CROT: variants seen among roughly 807,000 people sequenced by gnomAD.
CROT encodes peroxisomal carnitine O-octanoyltransferase.
A neutral mutation model predicts 89.2 loss-of-function variants in CROT; 84 were observed. The observed-to-expected ratio is 0.94, with a 90% CI of 0.79 to 1.13. The LOEUF is 1.13. Ranked by LOEUF, CROT falls within the 50% of genes most tolerant of loss-of-function variation. The probability of loss-of-function intolerance (pLI) is 0.00; values close to 1 mark genes in which losing one functional copy is unlikely to be tolerated. For synonymous variants in CROT, 212 were observed against 239.5 expected, an observed-to-expected ratio of 0.89 and a Z score of 1.06; for missense variants, 711 against 727.8, an observed-to-expected ratio of 0.98 and a Z score of 0.27.
Position 87,349,078 on chromosome 7 carries a change from C to A in CROT, c.10C>A (p.Gln4Lys). The A allele has an allele frequency of 6.3e-7, 1 of 1,589,642 alleles. No homozygotes were observed. The highest frequency in any genetic ancestry group is 1.1e-5 in the South Asian group (1 of 88,150). Reference sequence around the variant, plus strand: ...CTATTGTGATTTTATCATGGAAAATCAATTGGCTAAATCAACTGAAGAACG... The same window carrying A: ...CTATTGTGATTTTATCATGGAAAATAAATTGGCTAAATCAACTGAAGAACG... Reference protein sequence around the residue: MENQLAKSTEERTF... With the variant: MENKLAKSTEERTF... Residue 4 changes from glutamine (Q) to lysine (K), a missense_variant, in exon 3 of 18, where the codon CAA becomes AAA. By Grantham distance (53) the Gln-to-Lys change is moderately conservative. Transcript: ENST00000331536.
chr7:87,353,913 C>A (rs1203849443), intron 3 of CROT, among the ~76,000 whole-genome samples: 1 of 152,158 alleles, frequency 6.6e-6, no homozygotes, highest in African/African-American at 2.4e-5. Flanking sequence ...AGGGGACATC[C>A]AAACTATATT....
intron 3 of CROT, among the ~76,000 whole-genome samples, chr7:87,354,013 C>T (rs1044690601): frequency 4.6e-5 from 7 of 152,036 alleles, no homozygotes; most frequent in African/African-American, 1.7e-4. Context: ...TTAATAAATC[C>T]CAGCAATAAG....
At chr7:87,375,440 T>C (rs1806778588) in intron 7 of CROT, 192 bp from the exon 8 acceptor site, 2 of 510,584 alleles carry the variant, frequency 3.9e-6, no homozygotes, top group African/African-American at 1.9e-5. Context: ...TTGTCAAATA[T>C]GCTTTTGGTG....
At chr7:87,385,804 A>G (rs1386825039) in intron 13 of CROT, among the ~76,000 whole-genome samples, 2 of 152,182 alleles carry the variant, frequency 1.3e-5, no homozygotes, top group East Asian at 3.8e-4. Flanking sequence ...GTATGATGTT[A>G]GCTCTGGATT....
intron 17 of CROT, chr7:87,398,276 C>T (rs1268541358): frequency 1.6e-6 from 1 of 638,920 alleles, no homozygotes; most frequent in Admixed American, 2.1e-5. Context: ...AGCTTCAGAG[C>T]ACTCTAGGGC....
intron 7 of CROT, among the ~76,000 whole-genome samples, chr7:87,373,218 T>C (rs374396550): frequency 9.8e-5 from 15 of 152,332 alleles, no homozygotes; most frequent in Middle Eastern, 3.4e-3. Flanking sequence ...ACATGCATTT[T>C]GGCCATTTGT....
intron 3 of CROT, chr7:87,354,429 T>G (rs1805993449): frequency 1.9e-6 from 1 of 517,508 alleles, no homozygotes; most frequent in African/African-American, 1.9e-5. Flanking sequence ...TATTCAAGGT[T>G]ATGATTATAG....
Position 87,349,033 on chromosome 7 carries a change from C to A in CROT, c.-21-15C>A, listed in dbSNP as rs762439177. 1 of 1,195,058 alleles carries A rather than the reference C, an allele frequency of 8.4e-7. No homozygotes were observed. Among genetic ancestry groups the A allele is most frequent in the Admixed American group, 1.9e-5 (1 of 52,354 alleles). The allele number at this position is 1,195,058 out of a possible 1,614,324, so 74.0% of individuals were successfully genotyped here. ...ATGAGATTGAAGTTGTGAGGGCTCT[C>A]TCTCTTTTCTTTAGGTTTCCTATTG... On this transcript the variant is annotated splice_polypyrimidine_tract_variant and intron_variant, in intron 2 of 17. Transcript: ENST00000331536.
Position 87,357,407 on chromosome 7 carries a change from T to C in CROT, c.116-1799T>C, listed in dbSNP as rs966995785. On this transcript the variant is annotated intron_variant, in intron 3 of 17. Transcript: ENST00000331536. The stretch of plus-strand genomic sequence containing the variant: ...ATTGGGCTAGAAATATTATCCTTGA[T>C]AGGATGCCAAGACAGACCCCATTTA... 6.8e-6 allele frequency: 10 copies of C among 1,471,584 alleles called. No homozygotes were observed. In the Admixed American group the frequency reaches 1.2e-4, roughly 17 times the overall value. 91.2% of individuals were successfully genotyped at this position (1,471,584 alleles called of 1,614,324 possible). A position where few individuals can be genotyped will look rare whatever the true frequency, so the allele number is the denominator to read the frequency against.
At chr7:87,350,599 C>T (rs1805836152) in intron 3 of CROT, among the ~76,000 whole-genome samples, 1 of 152,034 alleles carries the variant, frequency 6.6e-6, no homozygotes, top group African/African-American at 2.4e-5. Flanking sequence ...GTAATGTTGA[C>T]CCCTAGTACA....
rs1054745431 is a variant in CROT at position 87,346,366 on chromosome 7, A to G, written c.-86A>G. The G allele has an allele frequency of 6.6e-6, 1 of 152,006 alleles. No individual in the cohort carries two copies. Among genetic ancestry groups the G allele is most frequent in the Non-Finnish European group, 1.5e-5 (1 of 68,008 alleles). 9.4% of individuals were successfully genotyped at this position (152,006 alleles called of 1,614,324 possible). A position where few individuals can be genotyped will look rare whatever the true frequency, so the allele number is the denominator to read the frequency against. On this transcript the variant is annotated 5_prime_UTR_variant, in exon 2 of 18. Transcript: ENST00000331536. ...CACCGACTTAGTCCAGTTCCCTGTGATCTCAAAACAATTGTTGCAGCAGGC... is the reference window on the plus strand; with the variant it reads ...CACCGACTTAGTCCAGTTCCCTGTGGTCTCAAAACAATTGTTGCAGCAGGC...
At chr7:87,371,803 C>G (rs1401180436) in intron 7 of CROT, among the ~76,000 whole-genome samples, 3 of 151,902 alleles carry the variant, frequency 2.0e-5, no homozygotes, top group African/African-American at 4.8e-5. Flanking sequence ...CCAGCCTGGG[C>G]AACATAGGGG....
At chr7:87,360,051 C>T (rs910582434) in intron 4 of CROT, 18 of 979,694 alleles carry the variant, frequency 1.8e-5, no homozygotes, top group East Asian at 1.1e-4. Flanking sequence ...TTCACACTTC[C>T]GGATTCCTTT....
chr7:87,388,819 T>G (rs1333340914), intron 13 of CROT, among the ~76,000 whole-genome samples: 1 of 152,080 alleles, frequency 6.6e-6, no homozygotes, highest in African/African-American at 2.4e-5. Flanking sequence ...CAAATGAAAC[T>G]ATCATCAGAG....
In CROT at chr7:87,369,440, T is replaced by A. The variant is rs1283561645; in HGVS notation, c.612T>A (p.Asp204Glu). Residue 204 changes from aspartate (D) to glutamate (E), a missense_variant, in exon 7 of 18, where the codon GAT becomes GAA. Asp to Glu is a conservative substitution (Grantham distance 45). Coordinates refer to ENST00000331536, the MANE Select transcript of CROT (RefSeq NM_021151.4). Reference sequence around the variant, plus strand: ...GTCGAGGCCGAGCTTTTGTCTTTGATGTAATACATGAAGGATGTTTGGTCA... The same window carrying A: ...GTCGAGGCCGAGCTTTTGTCTTTGAAGTAATACATGAAGGATGTTTGGTCA... ...VLCRGRAFVF[D>E]VIHEGCLVTP... 8 of 1,613,292 alleles carry A rather than the reference T, an allele frequency of 5.0e-6. No homozygotes were observed. The highest frequency in any genetic ancestry group is 1.7e-5 in the Admixed American group (1 of 59,880).
intron 7 of CROT, among the ~76,000 whole-genome samples, chr7:87,374,856 C>G (rs1273060820): frequency 6.6e-6 from 1 of 151,832 alleles, no homozygotes; most frequent in Non-Finnish European, 1.5e-5. Context: ...TATTAAGCTA[C>G]ATTAGCTCAC....
intron 17 of CROT, among the ~76,000 whole-genome samples, chr7:87,394,732 C>CTCTA (rs1407403029): frequency 6.6e-6 from 1 of 152,010 alleles, no homozygotes; most frequent in Non-Finnish European, 1.5e-5. Flanking sequence ...TACCTATAGA[C>CTCTA]TCTACTATGA....
chr7:87,376,621 G>T (rs1451731181), intron 9 of CROT, among the ~76,000 whole-genome samples: 2 of 151,002 alleles, frequency 1.3e-5, no homozygotes, highest in Non-Finnish European at 2.9e-5. Context: ...AAACCTTGTA[G>T]CAAGGAGAGA....
chr7:87,364,754 G>A (rs1168688711), intron 6 of CROT, among the ~76,000 whole-genome samples: 1 of 152,196 alleles, frequency 6.6e-6, no homozygotes, highest in East Asian at 1.9e-4. Flanking sequence ...GCAGAAAGGT[G>A]GAGGGGTTGG....
Sources: allele counts gnomAD v4.1 joint callset (sites outside exome capture counted in the v4.1 genomes callset), GRCh38; gene constraint gnomAD v4.1.1; transcripts MANE v1.5; gene names NCBI Gene and HGNC (gene_info 2026-07-23, HGNC 2026-07-21).